The following FAM3A variants were observed in gnomAD, a reference collection of about 807,000 sequenced individuals.
FAM3A encodes the protein FAM3 metabolism regulating signaling molecule A.
In FAM3A, 5 loss-of-function variants were observed where a neutral mutation model predicts 18.1. The observed-to-expected ratio is 0.28, with a 90% CI of 0.14 to 0.58. FAM3A has a LOEUF of 0.58. FAM3A is among the 20% of genes least tolerant of loss of function. FAM3A has a pLI of 0.91. For synonymous variants in FAM3A, 108 were observed against 90.2 expected, an observed-to-expected ratio of 1.20 and a Z score of -1.12; for missense variants, 154 against 216.6, an observed-to-expected ratio of 0.71 and a Z score of 1.81.
intron 1 of FAM3A, among the ~76,000 whole-genome samples, chrX:154,514,553 G>A (rs2070079865): frequency 2.7e-5 from 3 of 111,401 alleles, no homozygotes; most frequent in East Asian, 2.8e-4. Context: ...ACAGGCGCCC[G>A]CCACCACGCC....
At chrX:154,508,253 G>C in intron 5 of FAM3A, 36 bp downstream of exon 5, 1 of 1,059,892 alleles carries the variant, frequency 9.4e-7, no homozygotes, top group South Asian at 2.4e-5. Context: ...GAGCAGGGAA[G>C]GAGGGCGGCA....
Position 154,507,792 on chromosome X carries a change from ACGCTG to A in FAM3A, c.385+14_385+18del. 1 of 1,177,843 alleles carries A rather than the reference ACGCTG, an allele frequency of 8.5e-7. No homozygotes were observed. Among genetic ancestry groups the A allele is most frequent in the South Asian group, 1.9e-5 (1 of 53,620 alleles). Reference sequence around the variant, plus strand: ...CATTTTGCTGCAGTCAAAATGCAAGACGCTGCGCTGCAACTCACCTCCGGCCCACA... The same window carrying A: ...CATTTTGCTGCAGTCAAAATGCAAGACGCTGCAACTCACCTCCGGCCCACA... On this transcript the variant is annotated intron_variant, in intron 6 of 8. Transcript: ENST00000447601.
Position 154,506,621 on chromosome X carries a change from C to A in FAM3A, c.*190G>T. 1 of 436,078 alleles carries A rather than the reference C, an allele frequency of 2.3e-6. No individual in the cohort carries two copies. The allele number at this position is 436,078 out of a possible 1,213,427, so 35.9% of individuals were successfully genotyped here. On this transcript the variant is annotated 3_prime_UTR_variant, in exon 9 of 9. Transcript: ENST00000447601. ...CCGTGACAAAGTGCGGCAGGGCTAC[C>A]CCCTGCAGCCCCCATAGCCCCCACC...
rs868974449 is a variant in FAM3A, at chrX:154,506,723, G to C, written c.*88C>G. On this transcript the variant is annotated 3_prime_UTR_variant, in exon 9 of 9. Transcript: ENST00000447601. ...CAGGGAGCGCTCCTGCCCGGGTGTG[G>C]GGTGTGAGCCTCAGCCTCTGTCCGC... 1.4e-5 allele frequency: 10 copies of C among 736,883 alleles called. No individual in the cohort carries two copies. The highest frequency in any genetic ancestry group is 1.9e-5 in the Non-Finnish European group (9 of 485,110). The allele number at this position is 736,883 out of a possible 1,213,427, so 60.7% of individuals were successfully genotyped here.
chrX:154,512,926 G>A lies in FAM3A; in HGVS notation c.24C>T (p.Arg8=). Reference sequence around the variant, plus strand: ...CCACACTGACGACTAGGACCACAATGCGGAGAGGGCCTGGAGGCAGGATAG... The same window carrying A: ...CCACACTGACGACTAGGACCACAATACGGAGAGGGCCTGGAGGCAGGATAG... MRLAGPL[R]IVVLVVSVGV... The change falls in exon 2 of 9, where the codon CGC becomes CGT. Residue 8 remains arginine, a synonymous_variant. Coordinates refer to ENST00000447601, the MANE Select transcript of FAM3A (RefSeq NM_021806.4). 1.7e-6 allele frequency: 2 copies of A among 1,202,893 alleles called. No individual in the cohort carries two copies. The highest frequency in any genetic ancestry group is 2.3e-6 in the Non-Finnish European group (2 of 887,325).
chrX:154,508,952 T>G, intron 3 of FAM3A: 6 of 251,959 alleles, frequency 2.4e-5, no homozygotes, highest in East Asian at 1.1e-4. Context: ...TGGCAGGGGG[T>G]AGTGTGGCAG....
In FAM3A at chrX:154,506,712, G is replaced by T; in HGVS notation, c.*99C>A. On this transcript the variant is annotated 3_prime_UTR_variant, in exon 9 of 9. Transcript: ENST00000447601. ...TGTGTTGGGGCCAGGGAGCGCTCCT[G>T]CCCGGGTGTGGGGTGTGAGCCTCAG... 1.5e-6 allele frequency: 1 copy of T among 667,388 alleles called. No homozygotes were observed. Among genetic ancestry groups the T allele is most frequent in the Non-Finnish European group, 2.3e-6 (1 of 428,650 alleles). The allele number at this position is 667,388 out of a possible 1,213,427, so 55.0% of individuals were successfully genotyped here.
At chrX:154,513,067 A>C (rs1463754963) in intron 1 of FAM3A, 131 bp from the exon 2 acceptor site, 2 of 441,519 alleles carry the variant, frequency 4.5e-6, no homozygotes, top group Non-Finnish European at 8.0e-6. Flanking sequence ...GGAGGTGGAG[A>C]CCTGTTGCCT....
intron 1 of FAM3A, among the ~76,000 whole-genome samples, chrX:154,515,454 G>A (rs1241564458): frequency 9.0e-6 from 1 of 111,598 alleles, no homozygotes; most frequent in African/African-American, 3.3e-5. Flanking sequence ...CTAAGACCAC[G>A]CCTCTCCACC....
intron 3 of FAM3A, chrX:154,508,945 C>G: frequency 7.2e-6 from 2 of 278,691 alleles, no homozygotes; most frequent in Non-Finnish European, 6.9e-6. Context: ...GGCAGTGTGG[C>G]AGGGGGTAGT....
chrX:154,509,526 T>G (rs2069750444), intron 3 of FAM3A: 1 of 112,353 alleles, frequency 8.9e-6, no homozygotes, highest in African/African-American at 3.3e-5. Context: ...GGGTAGTCAG[T>G]AGAGGCTTGT....
At chrX:154,511,517 A>T in intron 3 of FAM3A, 2 of 234,529 alleles carry the variant, frequency 8.5e-6, no homozygotes, top group African/African-American at 2.8e-5. Context: ...AAAGAATCTC[A>T]GGCCACAGAG....
At chrX:154,511,263 A>G (rs2069854558) in intron 3 of FAM3A, 2 of 112,035 alleles carry the variant, frequency 1.8e-5, no homozygotes, top group Non-Finnish European at 3.7e-5. Context: ...CAACCCTTTC[A>G]GCAGAAATCT....
At chrX:154,507,082 C>T (rs1375603358) in intron 8 of FAM3A, 121 bp downstream of exon 8, 1 of 1,017,801 alleles carries the variant, frequency 9.8e-7, no homozygotes, top group African/African-American at 1.9e-5. Flanking sequence ...TGGCCCACCC[C>T]TCATAGCTGG....
At position 154,507,284 on chromosome X, in the gene FAM3A, C is replaced by T. The variant is rs782393328; in HGVS notation, c.516G>A (p.Arg172=). 2.5e-6 allele frequency: 3 copies of T among 1,210,253 alleles called. No homozygotes were observed. The South Asian group carries it at 5.3e-5, about 21-fold the overall frequency. ...TRKLFSELGS[R]NAKELAFRDS... Reference sequence around the variant, plus strand: ...CCCGGAAGGCCAGCTCCTTGGCGTTCCTGCTGCCCAGCTCACTGAAGAGCT... The same window carrying T: ...CCCGGAAGGCCAGCTCCTTGGCGTTTCTGCTGCCCAGCTCACTGAAGAGCT... The change falls in exon 8 of 9, where the codon AGG becomes AGA. Residue 172 remains arginine, a synonymous_variant. Coordinates refer to ENST00000447601, the MANE Select transcript of FAM3A (RefSeq NM_021806.4).
rs782575108 is a variant in FAM3A, at chrX:154,508,509, G to C, written c.240C>G (p.Asn80Lys). ...LAFRVVSGAANVIGPKICLED... is the reference protein window; with the variant it reads ...LAFRVVSGAAKVIGPKICLED... ...CGAGGCAGATCTTGGGCCCAATGAC[G>C]TTGGCGGCCCCGCTGACCACGCGGA... is the stretch of plus-strand genomic sequence containing the variant. The change falls in exon 4 of 9, where the codon AAC becomes AAG. Residue 80 changes from asparagine to lysine, a missense_variant. Transcript: ENST00000447601. The C allele has an allele frequency of 1.7e-6, 2 of 1,208,129 alleles. No individual in the cohort carries two copies. The highest frequency in any genetic ancestry group is 4.4e-5 in the Admixed American group (2 of 45,881).
intron 1 of FAM3A, 67 bp from the exon 2 acceptor site, chrX:154,513,003 G>T: frequency 1.4e-6 from 1 of 722,091 alleles, no homozygotes; most frequent in Non-Finnish European, 2.1e-6. Context: ...TGACCCCATA[G>T]CCTTGCATGA....
rs782162130 is a variant in FAM3A, at chrX:154,507,503, G to A, written c.386-13C>T. On this transcript the variant is annotated splice_polypyrimidine_tract_variant and intron_variant, in intron 6 of 8. Coordinates refer to ENST00000447601, the MANE Select transcript of FAM3A (RefSeq NM_021806.4). ...AGGTCGTTGACATCTGGGGGGGCAG[G>A]TGCCACGGAACAGGGGTCATCAGGC... 4 of 1,204,213 alleles carry A rather than the reference G, an allele frequency of 3.3e-6. No homozygotes were observed. The East Asian group carries it at 8.9e-5, about 27-fold the overall frequency.
Position 154,506,689 on chromosome X carries a change from T to G in FAM3A, c.*122A>C. Reference sequence around the variant, plus strand: ...TGGTCACTGCCTCGGAGCCCCGATGTGTTGGGGCCAGGGAGCGCTCCTGCC... The same window carrying G: ...TGGTCACTGCCTCGGAGCCCCGATGGGTTGGGGCCAGGGAGCGCTCCTGCC... On this transcript the variant is annotated 3_prime_UTR_variant, in exon 9 of 9. Transcript: ENST00000447601. The G allele has an allele frequency of 3.9e-6, 2 of 516,873 alleles. No homozygotes were observed. Among genetic ancestry groups the G allele is most frequent in the Non-Finnish European group, 6.5e-6 (2 of 305,409 alleles). The allele number at this position is 516,873 out of a possible 1,213,427, so 42.6% of individuals were successfully genotyped here. A position where few individuals can be genotyped will look rare whatever the true frequency, so the allele number is the denominator to read the frequency against.
Sources: gnomAD v4.1 joint callset for allele counts (sites outside exome capture counted in the v4.1 genomes callset) on GRCh38, gnomAD v4.1.1 for gene constraint, MANE v1.5 for transcripts, NCBI Gene and HGNC (gene_info 2026-07-23, HGNC 2026-07-21) for gene names.